MCFD2: variants seen among roughly 807,000 people sequenced by gnomAD.
MCFD2 encodes multiple coagulation factor deficiency protein 2.
In MCFD2, 11 loss-of-function variants were observed where a neutral mutation model predicts 12.8. The observed-to-expected ratio is 0.86, with a 90% confidence interval of 0.54 to 1.42. MCFD2 has a LOEUF of 1.42. Among genes scored for constraint, MCFD2 ranks in the 40% most tolerant of loss-of-function variants. MCFD2 has a pLI of 0.00. For synonymous variants in MCFD2, 70 were observed against 68.1 expected (o/e 1.03, Z -0.14); for missense variants, 191 against 178.6 (o/e 1.07, Z -0.40).
rs1188837024 is a variant in MCFD2 at position 46,909,050 on chromosome 2, A to G, written c.122T>C (p.Leu41Pro). 1.9e-6 allele frequency: 3 copies of G among 1,614,220 alleles called. No homozygotes were observed. The highest frequency in any genetic ancestry group is 2.5e-6 in the Non-Finnish European group (3 of 1,180,042). The change falls in exon 2 of 4, where the codon CTG (leucine) becomes CCG (proline). Residue 41 changes from leucine (L) to proline (P), a missense_variant. Leu to Pro is a moderately conservative substitution (Grantham distance 98, BLOSUM62 -3). Transcript: ENST00000319466. ...TTGGTCGTGCACTGTGTTCTTATCC[A>G]GGCCCATGCTGCCGGGTTGGGAGAA... The part of the protein sequence containing the change: ...ASFSQPGSMG[L>P]DKNTVHDQEH...
In MCFD2 at chr2:46,915,701, G is replaced by A. The variant is rs545411676; in HGVS notation, c.-7+22C>T. Reference sequence around the variant, plus strand: ...AGGCGCCGGGATCCCGCCCGCTGCGGAGAGTGCGCTAGTTCACTCACCCTT... The same window carrying A: ...AGGCGCCGGGATCCCGCCCGCTGCGAAGAGTGCGCTAGTTCACTCACCCTT... On this transcript the variant is annotated intron_variant, in intron 1 of 3. Coordinates refer to ENST00000319466, the MANE Select transcript of MCFD2 (RefSeq NM_139279.6). The A allele has an allele frequency of 6.9e-4, 638 of 926,004 alleles. 5 individuals carry two copies. The Admixed American group carries it at 0.019, about 28-fold the overall frequency. 57.4% of individuals were successfully genotyped at this position (926,004 alleles called of 1,614,324 possible).
chr2:46,909,228 TTCGTTCAGGGCTTG>T, intron 1 of MCFD2, 51 bp from the exon 2 acceptor site: 4 of 1,575,030 alleles, frequency 2.5e-6, no homozygotes, highest in Non-Finnish European at 2.6e-6. Context: ...GAGCAAAGGT[TTCGTTCAGGGCTTG>T]ACATGGTATG....
At chr2:46,917,248 T>G, upstream of MCFD2, 1 of 699,576 alleles carries the variant, frequency 1.4e-6, no homozygotes, top group South Asian at 1.5e-5. Flanking sequence ...TCCCACCACC[T>G]CCGCCTCCCA....
Position 46,941,826 on chromosome 2 carries a change from C to T in MCFD2, c.-262G>A. Reference sequence around the variant, plus strand: ...ACAGTCCTCGGCCGACAGCGGGCGCCTGCCAGCCCACCGTGCTAGTCTTAA... The same window carrying T: ...ACAGTCCTCGGCCGACAGCGGGCGCTTGCCAGCCCACCGTGCTAGTCTTAA... On this transcript the variant is annotated 5_prime_UTR_variant, in exon 1 of 3. Coordinates refer to the MCFD2 transcript ENST00000409147. This position sits in a 1 kb window ranked among gnomAD's most constrained non-coding sequence, Gnocchi z 4.2. The T allele has an allele frequency of 6.9e-7, 1 of 1,449,800 alleles. No individual in the cohort carries two copies. Among genetic ancestry groups the T allele is most frequent in the Non-Finnish European group, 9.4e-7 (1 of 1,068,162 alleles). 89.8% of individuals were successfully genotyped at this position (1,449,800 alleles called of 1,614,324 possible).
At chr2:46,925,545 G>A (rs1374553155) in intron 1 of MCFD2, among the ~76,000 whole-genome samples, 1 of 151,980 alleles carries the variant, frequency 6.6e-6, no homozygotes, top group East Asian at 1.9e-4. Flanking sequence ...GCAACAAAGT[G>A]TCTCAATAAA....
At chr2:46,939,253 A>G (rs1228712838) in intron 1 of MCFD2, among the ~76,000 whole-genome samples, 1 of 152,006 alleles carries the variant, frequency 6.6e-6, no homozygotes, top group Non-Finnish European at 1.5e-5. Flanking sequence ...AAAACAAGTC[A>G]CTAAGGAAGG....
rs1383260786 is a variant in MCFD2, at chr2:46,903,604, AGTAAAG to A, written c.*1853_*1858del. 1 of 152,204 alleles carries A rather than the reference AGTAAAG, an allele frequency of 6.6e-6. No homozygotes were observed. The highest frequency in any genetic ancestry group is 1.5e-5 in the Non-Finnish European group (1 of 68,054). 9.4% of individuals were successfully genotyped at this position (152,204 alleles called of 1,614,324 possible). ...AGATGAGGAACTTGTTGGGAACTGG[AGTAAAG>A]GTGACTCTTGTTATGTTTTAGCAAA... On this transcript the variant is annotated 3_prime_UTR_variant, in exon 4 of 4. Transcript: ENST00000319466.
rs546229497 is a variant in MCFD2, at chr2:46,909,151, G to C, written c.21C>G (p.Leu7=). The C allele has an allele frequency of 1.2e-6, 2 of 1,614,128 alleles. No homozygotes were observed. Among genetic ancestry groups the C allele is most frequent in the South Asian group, 2.2e-5 (2 of 91,074 alleles). The stretch of plus-strand genomic sequence containing the variant: ...GCAGGCCACACAGGAAGGGGGTTCT[G>C]AGCAGGGATCTCATGGTCATCAATA... The part of the protein sequence containing the change: MTMRSL[L]RTPFLCGLLW... The change falls in exon 2 of 4, where the codon CTC becomes CTG. Residue 7 remains leucine, a synonymous_variant. Coordinates refer to ENST00000319466, the MANE Select transcript of MCFD2 (RefSeq NM_139279.6).
intron 1 of MCFD2, chr2:46,913,696 A>T (rs1200839845): frequency 6.6e-6 from 1 of 152,382 alleles, no homozygotes; most frequent in East Asian, 1.9e-4. Context: ...GGCACAACCC[A>T]TACCTTGAGA....
intron 1 of MCFD2, among the ~76,000 whole-genome samples, chr2:46,929,908 C>T (rs1166113421): frequency 6.6e-6 from 1 of 152,206 alleles, no homozygotes; most frequent in African/African-American, 2.4e-5. Flanking sequence ...CATCTCTTCT[C>T]CTTCTGCCAT....
In MCFD2 at chr2:46,905,695, TA is replaced by T. The variant is rs59068176; in HGVS notation, c.310-102del. On this transcript the variant is annotated intron_variant, in intron 3 of 3. Transcript: ENST00000319466. The stretch of plus-strand genomic sequence containing the variant: ...CATGTTCTTTCATGGCACTGTTTAT[TA>T]AAAAAAAAAAAAAAAAAAAGGAAAA... 0.1 allele frequency: 52,062 copies of T among 499,030 alleles called. 100 individuals are homozygous for T. Among genetic ancestry groups the T allele is most frequent in the East Asian group, 0.13 (3,242 of 24,628 alleles). 30.9% of individuals were successfully genotyped at this position (499,030 alleles called of 1,614,324 possible). A position where few individuals can be genotyped will look rare whatever the true frequency, so the allele number is the denominator to read the frequency against.
intron 1 of MCFD2, among the ~76,000 whole-genome samples, chr2:46,928,458 T>TA (rs1669517298): frequency 1.3e-5 from 1 of 77,166 alleles, no homozygotes; most frequent in Non-Finnish European, 2.4e-5. Flanking sequence ...GAAAGGGAAA[T>TA]TAAAAAAAAA....
At chr2:46,916,124 A>AC, upstream of MCFD2, 1 of 985,310 alleles carries the variant, frequency 1.0e-6, no homozygotes, top group East Asian at 1.1e-4. Context: ...GATGGGGCGG[A>AC]CCCCAAAGCT....
At chr2:46,920,970 T>C (rs887282511) in intron 1 of MCFD2, among the ~76,000 whole-genome samples, 5 of 144,994 alleles carry the variant, frequency 3.4e-5, no homozygotes, top group African/African-American at 5.5e-5. Context: ...TCCCTATTCA[T>C]GATAAAAAAA....
chr2:46,934,594 A>T (rs994045499), intron 1 of MCFD2, among the ~76,000 whole-genome samples: 5 of 151,658 alleles, frequency 3.3e-5, no homozygotes, highest in African/African-American at 1.2e-4. Flanking sequence ...CAATAGATAG[A>T]CTCAAACTGC....
At chr2:46,926,907 G>C (rs1246495640) in intron 1 of MCFD2, among the ~76,000 whole-genome samples, 1 of 152,146 alleles carries the variant, frequency 6.6e-6, no homozygotes. Context: ...GGAGCTAAAA[G>C]CTACAAAAAG....
intron 1 of MCFD2, among the ~76,000 whole-genome samples, chr2:46,915,055 C>G (rs925271681): frequency 6.6e-6 from 1 of 152,172 alleles, no homozygotes; most frequent in African/African-American, 2.4e-5. Context: ...ATGGCTGTAG[C>G]CTCTCTGTAT....
rs542223229 is a variant in MCFD2 at position 46,937,488 on chromosome 2, T to A, written c.-8+4084A>T. Among the ~76,000 whole-genome samples, 3 of 152,346 alleles carry A rather than the reference T, an allele frequency of 2.0e-5. No homozygotes were observed. In the South Asian group the frequency reaches 6.2e-4, roughly 32 times the overall value. Reference sequence around the variant, plus strand: ...GCCTAAATGGGACTTCGAATTGTTTTAGGAACATATCATCCAGAGCAGCCA... The same window carrying A: ...GCCTAAATGGGACTTCGAATTGTTTAAGGAACATATCATCCAGAGCAGCCA... On this transcript the variant is annotated intron_variant, in intron 1 of 2. Transcript: ENST00000409147. The surrounding 1 kb of genome is among the most constrained non-coding windows in gnomAD (Gnocchi z 4.0).
At chr2:46,939,105 G>A (rs116346547) in intron 1 of MCFD2, among the ~76,000 whole-genome samples, 3,899 of 151,796 alleles carry the variant, frequency 0.026, 83 homozygotes, top group Non-Finnish European at 0.043. Context: ...GCAAGATCCC[G>A]TCTCTACAAA....
Sources: allele counts gnomAD v4.1 joint callset (sites outside exome capture counted in the v4.1 genomes callset), GRCh38; gene constraint gnomAD v4.1.1; non-coding constraint Gnocchi (gnomAD v3.1); transcripts MANE v1.5; gene names NCBI Gene and HGNC (gene_info 2026-07-23, HGNC 2026-07-21).